The following MSRB3 variants were observed in gnomAD, a reference collection of about 807,000 sequenced individuals.
MSRB3 encodes methionine-R-sulfoxide reductase B3.
MSRB3 carries 13 observed loss-of-function variants against 21.0 expected under a neutral mutation model. The observed-to-expected ratio is 0.62, with a 90% CI of 0.40 to 0.98. The LOEUF (loss-of-function observed/expected upper bound fraction) is 0.98. Ranked by LOEUF, MSRB3 falls within the 50% of genes least tolerant of loss-of-function variation. The pLI is 0.00. For synonymous variants in MSRB3, 87 were observed against 88.6 expected (o/e 0.98, Z 0.10); for missense variants, 199 against 230.3 (o/e 0.86, Z 0.88).
At chr12:65,331,810 T>G (rs796418464) in intron 4 of MSRB3, among the ~76,000 whole-genome samples, 50 of 152,252 alleles carry the variant, frequency 3.3e-4, no homozygotes, top group African/African-American at 1.1e-3. Context: ...CGGGAGGAGA[T>G]GGGTGCAGGA....
chr12:65,407,954 G>A (rs1157191155), intron 5 of MSRB3, among the ~76,000 whole-genome samples: 3 of 146,934 alleles, frequency 2.0e-5, no homozygotes, highest in East Asian at 3.9e-4. Context: ...TTCTTGCAAC[G>A]TTGCTTTTTT....
At chr12:65,300,238 G>A (rs545458068) in intron 1 of MSRB3, among the ~76,000 whole-genome samples, 1 of 152,292 alleles carries the variant, frequency 6.6e-6, no homozygotes, top group East Asian at 1.9e-4. Context: ...TTTTGCAGCT[G>A]AGGAAAATCT....
chr12:65,338,227 G>C (rs189220822), intron 4 of MSRB3, among the ~76,000 whole-genome samples: 1 of 152,172 alleles, frequency 6.6e-6, no homozygotes, highest in Non-Finnish European at 1.5e-5. Flanking sequence ...TGGTGCAAAT[G>C]CTTCTGCTGT....
intron 2 of MSRB3, among the ~76,000 whole-genome samples, chr12:65,311,489 G>T (rs1873983284): frequency 6.6e-6 from 1 of 151,974 alleles, no homozygotes; most frequent in South Asian, 2.1e-4. Context: ...TTTGCTCTTA[G>T]ATATATAGAA....
At chr12:65,387,799 A>C (rs1008291270) in intron 5 of MSRB3, among the ~76,000 whole-genome samples, 18 of 152,340 alleles carry the variant, frequency 1.2e-4, no homozygotes, top group African/African-American at 4.1e-4. Flanking sequence ...GCTGCTGCTG[A>C]TAAGACATAA....
chr12:65,342,755 G>A (rs570976748), intron 4 of MSRB3, among the ~76,000 whole-genome samples: 4 of 152,022 alleles, frequency 2.6e-5, no homozygotes, highest in African/African-American at 7.2e-5. Flanking sequence ...GCTATATGGT[G>A]AAAATATATC....
At chr12:65,317,201 A>G (rs570373088) in intron 2 of MSRB3, among the ~76,000 whole-genome samples, 1 of 152,282 alleles carries the variant, frequency 6.6e-6, no homozygotes, top group Admixed American at 6.5e-5. Flanking sequence ...AGGGACACTA[A>G]TTCTACTAAC....
At chr12:65,312,100 A>G (rs1477618510) in intron 2 of MSRB3, among the ~76,000 whole-genome samples, 1 of 151,996 alleles carries the variant, frequency 6.6e-6, no homozygotes, top group Non-Finnish European at 1.5e-5. Context: ...TCTGTCCTTA[A>G]CTTGCGTGAC....
At chr12:65,381,026 T>C (rs1361495968) in intron 5 of MSRB3, among the ~76,000 whole-genome samples, 1 of 152,174 alleles carries the variant, frequency 6.6e-6, no homozygotes, top group African/African-American at 2.4e-5. Flanking sequence ...CAGTAGTCTG[T>C]TGAGAAATAG....
intron 1 of MSRB3, among the ~76,000 whole-genome samples, chr12:65,297,484 A>G (rs954115039): frequency 6.6e-6 from 1 of 152,264 alleles, no homozygotes; most frequent in Admixed American, 6.5e-5. Flanking sequence ...ATTGTTGGCT[A>G]TCATCAGAAC....
At chr12:65,330,630 A>G (rs1875351548) in intron 4 of MSRB3, among the ~76,000 whole-genome samples, 1 of 152,136 alleles carries the variant, frequency 6.6e-6, no homozygotes, top group Admixed American at 6.5e-5. Context: ...ACCTCACAAA[A>G]GATGACATAC....
chr12:65,291,396 G>A (rs1203135082), intron 1 of MSRB3, among the ~76,000 whole-genome samples: 2 of 151,456 alleles, frequency 1.3e-5, no homozygotes, highest in East Asian at 3.9e-4. Context: ...GCCAGCTTCT[G>A]TGGCTTTTTT....
At chr12:65,401,063 G>A (rs1015804699) in intron 5 of MSRB3, among the ~76,000 whole-genome samples, 1 of 152,144 alleles carries the variant, frequency 6.6e-6, no homozygotes, top group African/African-American at 2.4e-5. Flanking sequence ...GTGTGATGAG[G>A]TGCTGAGAAG....
At chr12:65,418,830 G>C in intron 5 of MSRB3, 1 of 901,354 alleles carries the variant, frequency 1.1e-6, no homozygotes, top group Non-Finnish European at 1.8e-6. Context: ...TGCTGTCCAA[G>C]GCATCACCAA....
chr12:65,405,200 C>A (rs1465105377), intron 5 of MSRB3, among the ~76,000 whole-genome samples: 1 of 152,058 alleles, frequency 6.6e-6, no homozygotes. Flanking sequence ...GATCTGCCTG[C>A]CTCAGCCTCC....
rs1024424837 is a variant in MSRB3, at chr12:65,451,175, T to G, written c.293-2553T>G. 9.8e-5 allele frequency among the ~76,000 whole-genome samples: 15 copies of G among 152,316 alleles called. No homozygotes were observed. In the East Asian group the frequency reaches 2.3e-3, roughly 23 times the overall value. On this transcript the variant is annotated intron_variant, in intron 5 of 6. Coordinates refer to ENST00000308259, the MANE Select transcript of MSRB3 (RefSeq NM_001031679.3). ...CTAATCAGGATTTGGGTTGACATATTGAATATTCCATTTTGAAAACTGCCA... is the reference window on the plus strand; with the variant it reads ...CTAATCAGGATTTGGGTTGACATATGGAATATTCCATTTTGAAAACTGCCA...
chr12:65,333,859 G>A (rs546889665), intron 4 of MSRB3, among the ~76,000 whole-genome samples: 8 of 152,200 alleles, frequency 5.3e-5, no homozygotes, highest in Admixed American at 1.3e-4. Flanking sequence ...TTATAGCCCC[G>A]GCACATAATA....
chr12:65,416,339 G>T (rs1231785682), intron 5 of MSRB3, among the ~76,000 whole-genome samples: 1 of 152,212 alleles, frequency 6.6e-6, no homozygotes, highest in Non-Finnish European at 1.5e-5. Flanking sequence ...GTTCTAAACA[G>T]AGTCCTGGAA....
intron 2 of MSRB3, among the ~76,000 whole-genome samples, chr12:65,321,636 A>G (rs1205509198): frequency 6.6e-6 from 1 of 152,170 alleles, no homozygotes; most frequent in Non-Finnish European, 1.5e-5. Flanking sequence ...GCCTTTATTG[A>G]ATTACTAGAA....
Sources: gnomAD v4.1 joint callset for allele counts (sites outside exome capture counted in the v4.1 genomes callset) on GRCh38, gnomAD v4.1.1 for gene constraint, MANE v1.5 for transcripts, NCBI Gene and HGNC (gene_info 2026-07-23, HGNC 2026-07-21) for gene names.